LRMDA: variants seen among roughly 807,000 people sequenced by gnomAD.
LRMDA encodes leucine-rich melanocyte differentiation-associated protein.
Under a neutral mutation model 29.8 loss-of-function variants are expected in LRMDA, and 18 were observed. The observed-to-expected ratio is 0.60, with a 90% CI of 0.42 to 0.90. The LOEUF is 0.90. Ranked by LOEUF, LRMDA falls within the 40% of genes least tolerant of loss-of-function variation. LRMDA has a pLI of 0.00. For missense variants in LRMDA, 273 were observed against 273.9 expected (o/e 1.00, Z 0.02); for synonymous variants, 125 against 109.4 (o/e 1.14, Z -0.89).
At chr10:76,370,279 A>T (rs1589154482) in intron 6 of LRMDA, among the ~76,000 whole-genome samples, 1 of 152,166 alleles carries the variant, frequency 6.6e-6, no homozygotes, top group Admixed American at 6.5e-5. Context: ...CCATCCAGCT[A>T]TAAAGAGCTG....
intron 2 of LRMDA, among the ~76,000 whole-genome samples, chr10:75,461,277 G>A (rs895687970): frequency 3.3e-5 from 5 of 152,182 alleles, no homozygotes; most frequent in African/African-American, 1.2e-4. Context: ...ACTTAGCAAG[G>A]CCTATTTGTC....
At chr10:76,117,862 A>C (rs955746169) in intron 5 of LRMDA, among the ~76,000 whole-genome samples, 2 of 152,222 alleles carry the variant, frequency 1.3e-5, no homozygotes, top group African/African-American at 4.8e-5. Flanking sequence ...GTTTTAGTAC[A>C]GAGTTCATTG....
rs139036399 is a variant in LRMDA, at chr10:76,308,124, C to T, written c.517-16277C>T. Among the ~76,000 whole-genome samples the T allele has an allele frequency of 5.8e-3, 890 of 152,176 alleles. 9 individuals carry two copies. Among genetic ancestry groups the T allele is most frequent in the Non-Finnish European group, 9.8e-3 (663 of 67,998 alleles). On this transcript the variant is annotated intron_variant, in intron 5 of 6. Coordinates refer to ENST00000611255, the MANE Select transcript of LRMDA (RefSeq NM_001305581.2). ...ACAAACCAACCCTACTTGCCCTCTC[C>T]CCAAATCAAAAAATCCTCAAACCCA...
Position 76,423,707 on chromosome 10 carries a change from C to G in LRMDA, c.601+99222C>G, listed in dbSNP as rs1364688721. Among the ~76,000 whole-genome samples the G allele has an allele frequency of 6.6e-5, 10 of 152,290 alleles. 2 individuals carry two copies. The highest frequency in any genetic ancestry group is 2.4e-4 in the African/African-American group (10 of 41,568). On this transcript the variant is annotated intron_variant, in intron 6 of 6. Transcript: ENST00000611255. ...GCTGTTTGGTAATAAATTCTAGTCC[C>G]CTTTTGACTTCGATCAAAATCTGAT...
chr10:75,696,528 CCTT>C (rs1842237120), intron 2 of LRMDA, among the ~76,000 whole-genome samples: 1 of 152,208 alleles, frequency 6.6e-6, no homozygotes, highest in Non-Finnish European at 1.5e-5. Flanking sequence ...TTATTAAAAA[CCTT>C]CTCTGAACAT....
chr10:75,687,931 T>A (rs1372503626), intron 2 of LRMDA, among the ~76,000 whole-genome samples: 1 of 152,162 alleles, frequency 6.6e-6, no homozygotes, highest in Non-Finnish European at 1.5e-5. Context: ...TTAGAGCACA[T>A]CTGTTTACAA....
intron 5 of LRMDA, among the ~76,000 whole-genome samples, chr10:76,284,821 G>C (rs148875427): frequency 5.9e-5 from 9 of 152,174 alleles, no homozygotes; most frequent in Non-Finnish European, 1.3e-4. Context: ...AGATCTGCTG[G>C]TTTTATAAAG....
At chr10:76,240,377 C>G (rs1010007121) in intron 5 of LRMDA, among the ~76,000 whole-genome samples, 1 of 146,812 alleles carries the variant, frequency 6.8e-6, no homozygotes, top group African/African-American at 2.6e-5. Context: ...CTTACTCCCG[C>G]AAGAAGGGCC....
chr10:76,192,763 A>G (rs1404238343), intron 5 of LRMDA, among the ~76,000 whole-genome samples: 3 of 152,026 alleles, frequency 2.0e-5, no homozygotes, highest in African/African-American at 7.3e-5. Context: ...CTAACTTGGA[A>G]CTCTTTGTAG....
chr10:76,219,124 T>C lies in LRMDA; in HGVS notation c.517-105277T>C, dbSNP rs1353664274. Reference sequence around the variant, plus strand: ...GAACTCCTGAAGGAAGCACTAAACATGGAAAGGAACAACCGGTACCAGCCA... The same window carrying C: ...GAACTCCTGAAGGAAGCACTAAACACGGAAAGGAACAACCGGTACCAGCCA... On this transcript the variant is annotated intron_variant, in intron 5 of 6. Transcript: ENST00000611255. Among the ~76,000 whole-genome samples the C allele has an allele frequency of 2.6e-5, 4 of 152,132 alleles. 1 individual carries two copies. The Middle Eastern group carries it at 0.01, about 388-fold the overall frequency.
At chr10:76,232,899 G>T (rs1357237080) in intron 5 of LRMDA, among the ~76,000 whole-genome samples, 2 of 152,058 alleles carry the variant, frequency 1.3e-5, no homozygotes, top group African/African-American at 2.4e-5. Context: ...TTGGTTTGGG[G>T]GTATGCAAAA....
rs184392661 is a variant in LRMDA at position 75,830,366 on chromosome 10, A to G, written c.132-205642A>G. Among the ~76,000 whole-genome samples the G allele has an allele frequency of 3.3e-5, 5 of 152,340 alleles. No individual in the cohort carries two copies. In the East Asian group the frequency reaches 7.7e-4, roughly 24 times the overall value. ...ACTTGGATTCTGAGATTCCATGTACATTAGTACACTGTATTAGTCTGTTTT... is the reference window on the plus strand; with the variant it reads ...ACTTGGATTCTGAGATTCCATGTACGTTAGTACACTGTATTAGTCTGTTTT... On this transcript the variant is annotated intron_variant, in intron 2 of 6. Coordinates refer to ENST00000611255, the MANE Select transcript of LRMDA (RefSeq NM_001305581.2).
At chr10:75,643,380 A>G (rs770952818) in intron 2 of LRMDA, among the ~76,000 whole-genome samples, 2 of 152,206 alleles carry the variant, frequency 1.3e-5, no homozygotes, top group Non-Finnish European at 2.9e-5. Context: ...CCCTATTAGA[A>G]GATCAATAAG....
intron 2 of LRMDA, among the ~76,000 whole-genome samples, chr10:75,996,881 C>T (rs1479695026): frequency 7.9e-5 from 12 of 151,910 alleles, no homozygotes; most frequent in South Asian, 2.1e-4. Context: ...TACAGGCGCC[C>T]GCCACCATGC....
intron 2 of LRMDA, among the ~76,000 whole-genome samples, chr10:75,488,930 G>C (rs748599000): frequency 3.3e-5 from 5 of 152,034 alleles, no homozygotes; most frequent in African/African-American, 4.8e-5. Flanking sequence ...TCCCTTCGTG[G>C]GAACCAACTG....
rs1849923804 is a variant in LRMDA, at chr10:76,128,391, T to C, written c.516+69608T>C. On this transcript the variant is annotated intron_variant, in intron 5 of 6. Coordinates refer to ENST00000611255, the MANE Select transcript of LRMDA (RefSeq NM_001305581.2). ...TGAAGAGCAGGAGGCTGAAGTTCTG[T>C]CAATGCTTTTCAGGTCAAGAGTGGG... is the stretch of plus-strand genomic sequence containing the variant. Among the ~76,000 whole-genome samples, 4 of 152,194 alleles carry C rather than the reference T, an allele frequency of 2.6e-5. No homozygotes were observed. In the South Asian group the frequency reaches 8.3e-4, roughly 32 times the overall value.
intron 5 of LRMDA, among the ~76,000 whole-genome samples, chr10:76,191,098 G>T (rs1228723082): frequency 6.6e-6 from 1 of 152,160 alleles, no homozygotes; most frequent in African/African-American, 2.4e-5. Context: ...GAAGACTGCT[G>T]TTGTGACTAG....
chr10:75,939,235 C>T (rs1315486257), intron 2 of LRMDA, among the ~76,000 whole-genome samples: 1 of 152,196 alleles, frequency 6.6e-6, no homozygotes, highest in Non-Finnish European at 1.5e-5. Context: ...GCCTTCAACA[C>T]AGAGGGGCTG....
intron 2 of LRMDA, among the ~76,000 whole-genome samples, chr10:75,885,611 G>A (rs144808974): frequency 1.2e-3 from 188 of 152,302 alleles, no homozygotes; most frequent in African/African-American, 4.1e-3. Flanking sequence ...GAAAGATCAC[G>A]TAGAGGAGTT....
Sources: allele counts gnomAD v4.1 joint callset (sites outside exome capture counted in the v4.1 genomes callset), GRCh38; gene constraint gnomAD v4.1.1; transcripts MANE v1.5; gene names NCBI Gene and HGNC (gene_info 2026-07-23, HGNC 2026-07-21).